Variants in TRAK1 observed in about 807,000 individuals in gnomAD.
TRAK1 encodes trafficking kinesin protein 1.
A neutral mutation model predicts 92.1 loss-of-function variants in TRAK1; 33 were observed. The observed-to-expected ratio is 0.36, with a 90% CI of 0.27 to 0.48. The LOEUF (loss-of-function observed/expected upper bound fraction) is 0.48, where lower values mean the gene tolerates loss of function less well. Among genes scored for constraint, TRAK1 ranks in the 20% least tolerant of loss-of-function variants. The probability of loss-of-function intolerance (pLI) is 0.99; values close to 1 mark genes in which losing one functional copy is unlikely to be tolerated. For synonymous variants in TRAK1, 521 were observed against 517.3 expected (o/e 1.01, Z -0.10); for missense variants, 1,123 against 1,257.9 (o/e 0.89, Z 1.62).
In TRAK1 at chr3:42,185,042, G is replaced by A. The variant is rs1029431997; in HGVS notation, c.480+241G>A. On this transcript the variant is annotated intron_variant, in intron 4 of 15. Coordinates refer to ENST00000327628, the MANE Select transcript of TRAK1 (RefSeq NM_001042646.3). ...TTTCCTCAGGCCATGTGGATGGGAT[G>A]GCTAAGGGCGGGCATGGTCCTCACT... 19 of 488,798 alleles carry A rather than the reference G, an allele frequency of 3.9e-5. No homozygotes were observed. In the East Asian group the frequency reaches 5.9e-4, roughly 15 times the overall value. 30.3% of individuals were successfully genotyped at this position (488,798 alleles called of 1,614,324 possible). A position where few individuals can be genotyped will look rare whatever the true frequency, so the allele number is the denominator to read the frequency against.
intron 1 of TRAK1, among the ~76,000 whole-genome samples, chr3:42,118,592 C>T (rs1479288227): frequency 1.3e-5 from 2 of 152,200 alleles, no homozygotes; most frequent in African/African-American, 4.8e-5. Flanking sequence ...GATCTAGCCC[C>T]AGTCAGGTGG....
At position 42,077,500 on chromosome 3, in the gene TRAK1, G is replaced by T. The variant is rs112253734; in HGVS notation, c.-518-9604G>T. On this transcript the variant is annotated intron_variant, in intron 1 of 16. Transcript: ENST00000487159. ...GACAGCGTTTCACCATGTTGGCCAG[G>T]CTGGCCTTGAACTCCTGACCTCAAG... Among the ~76,000 whole-genome samples the T allele has an allele frequency of 4.5e-3, 689 of 152,292 alleles. 4 individuals carry two copies. The highest frequency in any genetic ancestry group is 0.015 in the African/African-American group (641 of 41,562).
At chr3:42,185,359 A>G (rs1359183115) in intron 4 of TRAK1, among the ~76,000 whole-genome samples, 4 of 152,230 alleles carry the variant, frequency 2.6e-5, no homozygotes, top group Admixed American at 2.0e-4. Context: ...TGTTGTTTTC[A>G]TGATAGAAAC....
chr3:42,121,380 C>T (rs1709841616), intron 1 of TRAK1, among the ~76,000 whole-genome samples: 1 of 152,036 alleles, frequency 6.6e-6, no homozygotes, highest in Admixed American at 6.5e-5. Flanking sequence ...CTGCCTCAGC[C>T]TCCCTAGTAG....
chr3:42,037,258 T>C (rs1231821045), intron 1 of TRAK1, among the ~76,000 whole-genome samples: 1 of 152,244 alleles, frequency 6.6e-6, no homozygotes, highest in Non-Finnish European at 1.5e-5. Flanking sequence ...ATAAGGTTCA[T>C]CATCATTCTT....
intron 2 of TRAK1, among the ~76,000 whole-genome samples, chr3:42,128,494 C>T (rs1184699367): frequency 1.3e-5 from 2 of 152,224 alleles, no homozygotes; most frequent in Non-Finnish European, 2.9e-5. Flanking sequence ...CTCTTAAATA[C>T]AGGACCCTGT....
intron 4 of TRAK1, among the ~76,000 whole-genome samples, chr3:42,187,477 C>CT (rs892371596): frequency 1.8e-4 from 27 of 151,834 alleles, no homozygotes; most frequent in African/African-American, 6.0e-4. Flanking sequence ...ATTCTTTTTT[C>CT]TTTTTTTTGA....
At chr3:42,037,288 G>A (rs139508739) in intron 1 of TRAK1, among the ~76,000 whole-genome samples, 25 of 152,278 alleles carry the variant, frequency 1.6e-4, no homozygotes, top group African/African-American at 4.8e-4. Context: ...AAATATACAC[G>A]GTGTGTCCAT....
intron 1 of TRAK1, among the ~76,000 whole-genome samples, chr3:42,121,017 G>T (rs1175135816): frequency 2.6e-5 from 4 of 152,168 alleles, no homozygotes; most frequent in Non-Finnish European, 5.9e-5. Flanking sequence ...ACCCTCCTAG[G>T]AGCTGGGTAG....
intron 14 of TRAK1, chr3:42,217,154 A>G: frequency 3.0e-6 from 2 of 669,220 alleles, no homozygotes; most frequent in Non-Finnish European, 3.7e-6. Flanking sequence ...GGCTTTAGGA[A>G]TCAGCCCGTT....
rs567326562 is a variant in TRAK1 at position 42,120,108 on chromosome 3, C to T, written c.92-5312C>T. On this transcript the variant is annotated intron_variant, in intron 1 of 15. Transcript: ENST00000327628. ...AGAAATGGCACCAGCCACAATGTGGCCGGCCACCATGGGGCATTACAGTAA... is the reference window on the plus strand; with the variant it reads ...AGAAATGGCACCAGCCACAATGTGGTCGGCCACCATGGGGCATTACAGTAA... Among the ~76,000 whole-genome samples, 5 of 152,248 alleles carry T rather than the reference C, an allele frequency of 3.3e-5. No individual in the cohort carries two copies. In the East Asian group the frequency reaches 9.6e-4, roughly 29 times the overall value.
intron 15 of TRAK1, 27 bp downstream of exon 15, chr3:42,219,623 C>T (rs759731219): frequency 1.4e-6 from 2 of 1,413,202 alleles, no homozygotes; most frequent in South Asian, 1.1e-5. Flanking sequence ...TTGGGGTGGG[C>T]AGGGGTGGGG....
chr3:42,121,321 GCA>G (rs1709828815), intron 1 of TRAK1, among the ~76,000 whole-genome samples: 2 of 149,526 alleles, frequency 1.3e-5, no homozygotes, highest in South Asian at 2.1e-4. Flanking sequence ...GTGCAGTGGC[GCA>G]GTCTCGGCTC....
At chr3:42,144,598 C>T (rs1184732015) in intron 2 of TRAK1, among the ~76,000 whole-genome samples, 2 of 152,042 alleles carry the variant, frequency 1.3e-5, no homozygotes, top group East Asian at 3.8e-4. Flanking sequence ...ATTCATAGTG[C>T]TGTAAGGTAA....
chr3:42,223,452 G>GCGAGCC lies in TRAK1; in HGVS notation c.2579_2584dup (p.Arg860_Ala861dup). 1 of 1,613,986 alleles carries GCGAGCC rather than the reference G, an allele frequency of 6.2e-7. No homozygotes were observed. The highest frequency in any genetic ancestry group is 8.5e-7 in the Non-Finnish European group (1 of 1,180,006). ...GGGTGGCCAAAGTGGTGAACTCAGG[G>GCGAGCC]CGAGCCCATGTCCCCACCTTGACTG... On this transcript the variant is annotated inframe_insertion, in exon 16 of 16. Coordinates refer to ENST00000327628, the MANE Select transcript of TRAK1 (RefSeq NM_001042646.3). This position sits in a 1 kb window ranked among gnomAD's most constrained non-coding sequence, Gnocchi z 6.1.
intron 2 of TRAK1, among the ~76,000 whole-genome samples, chr3:42,130,855 C>T (rs141410082): frequency 1.7e-3 from 262 of 152,266 alleles, no homozygotes; most frequent in Non-Finnish European, 3.1e-3. Context: ...CCCTGAGGTG[C>T]GGGGTGCATT....
At chr3:42,166,895 A>G (rs563789520) in intron 2 of TRAK1, among the ~76,000 whole-genome samples, 2 of 152,254 alleles carry the variant, frequency 1.3e-5, no homozygotes, top group South Asian at 4.2e-4. Context: ...GGCTGTACAG[A>G]CCATTGTTCG....
chr3:42,030,632 C>CA (rs1450413388), intron 1 of TRAK1, among the ~76,000 whole-genome samples: 2 of 134,742 alleles, frequency 1.5e-5, no homozygotes, highest in African/African-American at 5.6e-5. Context: ...AAGATTGCAC[C>CA]ACTGCACTGC....
intron 2 of TRAK1, among the ~76,000 whole-genome samples, chr3:42,148,926 A>G (rs1245459151): frequency 1.3e-5 from 2 of 152,144 alleles, no homozygotes; most frequent in Non-Finnish European, 2.9e-5. Context: ...ATCGTGACCC[A>G]AAGTAGGGTG....
Sources: allele counts gnomAD v4.1 joint callset (sites outside exome capture counted in the v4.1 genomes callset), GRCh38; gene constraint gnomAD v4.1.1; non-coding constraint Gnocchi (gnomAD v3.1); transcripts MANE v1.5; gene names NCBI Gene and HGNC (gene_info 2026-07-23, HGNC 2026-07-21).